The following PTPRG variants were observed in gnomAD, a reference collection of about 807,000 sequenced individuals.
The protein encoded by PTPRG is receptor-type tyrosine-protein phosphatase gamma.
In PTPRG, 102 loss-of-function variants were observed where a neutral mutation model predicts 165.3. The ratio of observed to expected loss-of-function variants is 0.62; its 90% CI spans 0.53 to 0.73. The LOEUF (loss-of-function observed/expected upper bound fraction) is 0.73. Ranked by LOEUF, PTPRG falls within the 30% of genes least tolerant of loss-of-function variation. PTPRG has a pLI of 0.00. For synonymous variants in PTPRG, 675 were observed against 669.5 expected (o/e 1.01, Z -0.13); for missense variants, 1,866 against 1,861.4 (o/e 1.00, Z -0.05).
intron 2 of PTPRG, among the ~76,000 whole-genome samples, chr3:61,907,679 G>A (rs569899618): frequency 5.1e-4 from 78 of 152,254 alleles, no homozygotes; most frequent in Non-Finnish European, 9.9e-4. Flanking sequence ...AGATGATAAC[G>A]ATTGGCCTGG....
intron 2 of PTPRG, among the ~76,000 whole-genome samples, chr3:61,817,622 C>T (rs2035825565): frequency 6.6e-6 from 1 of 152,060 alleles, no homozygotes; most frequent in Admixed American, 6.6e-5. Flanking sequence ...GTGGATGGGA[C>T]AAACCACCTA....
intron 2 of PTPRG, among the ~76,000 whole-genome samples, chr3:61,887,172 T>TATA (rs1559670290): frequency 1.0e-4 from 11 of 105,052 alleles, no homozygotes; most frequent in Non-Finnish European, 1.8e-4. Context: ...ATATATATAT[T>TATA]TTTAATGCCA....
At chr3:61,898,537 A>G (rs1013906497) in intron 2 of PTPRG, among the ~76,000 whole-genome samples, 2 of 152,220 alleles carry the variant, frequency 1.3e-5, no homozygotes, top group African/African-American at 4.8e-5. Flanking sequence ...TAGATGATAC[A>G]TCAGAATCAT....
chr3:62,280,694 C>A (rs1292279200), intron 26 of PTPRG, among the ~76,000 whole-genome samples: 1 of 152,060 alleles, frequency 6.6e-6, no homozygotes, highest in Non-Finnish European at 1.5e-5. Flanking sequence ...TAAGACCCAG[C>A]AGTCCTTCTT....
chr3:62,107,861 A>C (rs1218334830), intron 5 of PTPRG, among the ~76,000 whole-genome samples: 6 of 152,200 alleles, frequency 3.9e-5, no homozygotes, highest in African/African-American at 1.2e-4. Context: ...AAAGCTTTTA[A>C]TCAATGCCTT....
In PTPRG at chr3:62,108,237, C is replaced by T. The variant is rs181418868; in HGVS notation, c.616-24365C>T. Among the ~76,000 whole-genome samples the T allele has an allele frequency of 2.8e-3, 418 of 151,880 alleles. 3 individuals carry two copies. The highest frequency in any genetic ancestry group is 9.4e-3 in the African/African-American group (390 of 41,428). ...CAGGCCCCGGTGTGTGATATTTCCCCGCTGTATCCATGTGTCCTCATTGTT... is the reference window on the plus strand; with the variant it reads ...CAGGCCCCGGTGTGTGATATTTCCCTGCTGTATCCATGTGTCCTCATTGTT... On this transcript the variant is annotated intron_variant, in intron 5 of 29. Transcript: ENST00000474889.
intron 1 of PTPRG, among the ~76,000 whole-genome samples, chr3:61,587,212 A>G (rs1700453957): frequency 6.6e-6 from 1 of 152,234 alleles, no homozygotes; most frequent in Admixed American, 6.5e-5. Flanking sequence ...TTTAACAGGG[A>G]ACTTGTAGCT....
intron 16 of PTPRG, among the ~76,000 whole-genome samples, chr3:62,259,240 C>T (rs1030408443): frequency 3.3e-5 from 5 of 152,210 alleles, no homozygotes; most frequent in Non-Finnish European, 5.9e-5. Flanking sequence ...AGGGAAGTCT[C>T]TGGTCAGAGG....
chr3:62,220,369 C>T (rs1700623027), intron 13 of PTPRG, among the ~76,000 whole-genome samples: 1 of 152,184 alleles, frequency 6.6e-6, no homozygotes. Context: ...GGGGCAGAAA[C>T]AGAGACCATC....
chr3:61,755,291 AGCCACTGC>A (rs1488330079), intron 2 of PTPRG, among the ~76,000 whole-genome samples: 1 of 152,136 alleles, frequency 6.6e-6, no homozygotes, highest in African/African-American at 2.4e-5. Context: ...TACAGGCATG[AGCCACTGC>A]GCCCAGCCCT....
chr3:62,190,493 C>T lies in PTPRG; in HGVS notation c.1034-976C>T, dbSNP rs1347288601. 1.3e-5 allele frequency among the ~76,000 whole-genome samples: 2 copies of T among 152,132 alleles called. No individual in the cohort carries two copies. Among genetic ancestry groups the T allele is most frequent in the Non-Finnish European group, 2.9e-5 (2 of 68,028 alleles). ...AGACCTGTCAAGGTCTCAACACTTTCATAGGTTTGTCTGTAAATAGATTTA... is the reference window on the plus strand; with the variant it reads ...AGACCTGTCAAGGTCTCAACACTTTTATAGGTTTGTCTGTAAATAGATTTA... On this transcript the variant is annotated intron_variant, in intron 8 of 29. Transcript: ENST00000474889. The surrounding 1 kb of genome is among the most constrained non-coding windows in gnomAD (Gnocchi z 5.2).
chr3:62,039,021 G>A (rs1331522323), intron 4 of PTPRG, among the ~76,000 whole-genome samples: 1 of 152,080 alleles, frequency 6.6e-6, no homozygotes, highest in African/African-American at 2.4e-5. Context: ...TGCAACTTCC[G>A]CCTCCCAGGT....
chr3:61,879,242 A>C (rs1028916780), intron 2 of PTPRG, among the ~76,000 whole-genome samples: 4 of 152,270 alleles, frequency 2.6e-5, no homozygotes, highest in African/African-American at 9.6e-5. Context: ...AAAAACCTAG[A>C]GAGACAGATT....
Position 62,203,523 on chromosome 3 carries a change from C to A in PTPRG, c.1728C>A (p.Gly576=). The A allele has an allele frequency of 6.4e-7, 1 of 1,556,292 alleles. No individual in the cohort carries two copies. Among genetic ancestry groups the A allele is most frequent in the Non-Finnish European group, 8.7e-7 (1 of 1,149,282 alleles). The change falls in exon 12 of 30, where the codon GGC becomes GGA. Residue 576 remains glycine, a synonymous_variant. Coordinates refer to ENST00000474889, the MANE Select transcript of PTPRG (RefSeq NM_002841.4). The surrounding 1 kb of genome is among the most constrained non-coding windows in gnomAD (Gnocchi z 6.4). The stretch of plus-strand genomic sequence containing the variant: ...CGTCACCAACCAAGGACGGCGAGGG[C>A]ACCGAGGAAGGAGAGAAGGATGAGA... ...GDSSPTKDGE[G]TEEGEKDEKS...
intron 8 of PTPRG, among the ~76,000 whole-genome samples, chr3:62,187,987 T>G (rs1161883663): frequency 6.6e-6 from 1 of 152,278 alleles, no homozygotes; most frequent in Admixed American, 6.5e-5. Flanking sequence ...ATTGAGACAG[T>G]GAGATTCTGT....
At chr3:62,183,752 G>A (rs1464656981) in intron 8 of PTPRG, among the ~76,000 whole-genome samples, 1 of 152,060 alleles carries the variant, frequency 6.6e-6, no homozygotes, top group Non-Finnish European at 1.5e-5. Context: ...GTTGGAGGCT[G>A]CTCTGGAAAT....
chr3:62,048,716 A>G (rs1345177522), intron 4 of PTPRG, among the ~76,000 whole-genome samples: 1 of 152,202 alleles, frequency 6.6e-6, no homozygotes, highest in Non-Finnish European at 1.5e-5. Context: ...AGAAAATCCT[A>G]GTGGTCCTTT....
chr3:62,035,940 G>T (rs2107792018), intron 4 of PTPRG, among the ~76,000 whole-genome samples: 1 of 152,138 alleles, frequency 6.6e-6, no homozygotes. Context: ...AGGTTTTATG[G>T]GTGAAGAATT....
chr3:62,202,424 A>G (rs967387186), intron 11 of PTPRG, among the ~76,000 whole-genome samples: 2 of 152,182 alleles, frequency 1.3e-5, no homozygotes, highest in Non-Finnish European at 2.9e-5. Flanking sequence ...CCAGAGTAGC[A>G]TGGAAAGCCC....
Sources: gnomAD v4.1 joint callset for allele counts (sites outside exome capture counted in the v4.1 genomes callset) on GRCh38, gnomAD v4.1.1 for gene constraint, Gnocchi (gnomAD v3.1) non-coding constraint, MANE v1.5 for transcripts, NCBI Gene and HGNC (gene_info 2026-07-23, HGNC 2026-07-21) for gene names.